The following CUL7 variants were observed in gnomAD, a reference collection of about 807,000 sequenced individuals.
CUL7 encodes the protein cullin-7.
In CUL7, 96 loss-of-function variants were observed where a neutral mutation model predicts 177.7. That is an observed-to-expected ratio of 0.54 (90% CI 0.46 to 0.64). The LOEUF is 0.64. Among genes scored for constraint, CUL7 ranks in the 30% least tolerant of loss-of-function variants. The pLI is 0.00. For synonymous variants in CUL7, 824 were observed against 890.2 expected (o/e 0.93, Z 1.32); for missense variants, 1,893 against 2,187.9 (o/e 0.87, Z 2.69).
In CUL7 at chr6:43,051,848, C is replaced by T; in HGVS notation, c.581-85G>A. 3 of 1,521,128 alleles carry T rather than the reference C, an allele frequency of 2.0e-6. No homozygotes were observed. Among genetic ancestry groups the T allele is most frequent in the Non-Finnish European group, 2.7e-6 (3 of 1,097,120 alleles). The allele number at this position is 1,521,128 out of a possible 1,614,324, so 94.2% of individuals were successfully genotyped here. A position where few individuals can be genotyped will look rare whatever the true frequency, so the allele number is the denominator to read the frequency against. ...GACCCTCTACTCTTTCAATCCAATC[C>T]TTTTGCCACCACACAATGAGAAAGA... On this transcript the variant is annotated intron_variant, in intron 2 of 25. Coordinates refer to ENST00000265348, the MANE Select transcript of CUL7 (RefSeq NM_014780.5). The surrounding 1 kb of genome is among the most constrained non-coding windows in gnomAD (Gnocchi z 5.0).
Position 43,053,742 on chromosome 6 carries a change from A to T in CUL7, c.-129T>A. ...CCCGCGAGGGGGTCGAGACGGAGAG[A>T]CGGGAGGGGGCGTGCCTCCGCGGAA... On this transcript the variant is annotated 5_prime_UTR_variant, in exon 1 of 26. Transcript: ENST00000265348. The surrounding 1 kb of genome is among the most constrained non-coding windows in gnomAD (Gnocchi z 4.1). 1 of 1,484,572 alleles carries T rather than the reference A, an allele frequency of 6.7e-7. No homozygotes were observed. The highest frequency in any genetic ancestry group is 8.9e-7 in the Non-Finnish European group (1 of 1,120,102). The allele number at this position is 1,484,572 out of a possible 1,614,324, so 92.0% of individuals were successfully genotyped here.
intron 23 of CUL7, 55 bp downstream of exon 23, chr6:43,038,785 AAG>A (rs1763168535): frequency 6.2e-7 from 1 of 1,613,846 alleles, no homozygotes. Flanking sequence ...AGGTTTTGGG[AAG>A]AGAGGCAAGG....
rs764377175 is a variant in CUL7 at position 43,052,083 on chromosome 6, A to G, written c.580+126T>C. ...GCCCACCTCCTTTTCTTCCAACTCTAAGAGAAGGGCAACAGAATCATTTAC... is the reference window on the plus strand; with the variant it reads ...GCCCACCTCCTTTTCTTCCAACTCTGAGAGAAGGGCAACAGAATCATTTAC... On this transcript the variant is annotated intron_variant, in intron 2 of 25. Coordinates refer to ENST00000265348, the MANE Select transcript of CUL7 (RefSeq NM_014780.5). The surrounding 1 kb of genome is among the most constrained non-coding windows in gnomAD (Gnocchi z 4.5). The G allele has an allele frequency of 2.0e-6, 3 of 1,519,612 alleles. No homozygotes were observed. Among genetic ancestry groups the G allele is most frequent in the Non-Finnish European group, 2.7e-6 (3 of 1,129,036 alleles). The allele number at this position is 1,519,612 out of a possible 1,614,324, so 94.1% of individuals were successfully genotyped here.
At chr6:43,046,116 T>A in intron 12 of CUL7, 25 bp from the exon 13 acceptor site, 1 of 1,613,024 alleles carries the variant, frequency 6.2e-7, no homozygotes, top group Non-Finnish European at 8.5e-7. Context: ...GAAAAACCAT[T>A]TGGAACTTGT....
intron 9 of CUL7, 193 bp downstream of exon 9, chr6:43,047,955 A>G: frequency 1.7e-6 from 1 of 598,726 alleles, no homozygotes; most frequent in South Asian, 2.0e-5. Context: ...ACCTTGTTAG[A>G]GCGTTTTGAT....
In CUL7 at chr6:43,040,042, G is replaced by A. The variant is rs1172166668; in HGVS notation, c.4294+114C>T. On this transcript the variant is annotated intron_variant, in intron 22 of 25. Coordinates refer to ENST00000265348, the MANE Select transcript of CUL7 (RefSeq NM_014780.5). This position sits in a 1 kb window ranked among gnomAD's most constrained non-coding sequence, Gnocchi z 4.2. ...GGCGTGAGCACTGTGCCCAGCCAAA[G>A]ACTATCTCTTTTTACATCAAGCCTC... 7.7e-7 allele frequency: 1 copy of A among 1,305,516 alleles called. No individual in the cohort carries two copies. Among genetic ancestry groups the A allele is most frequent in the African/African-American group, 1.5e-5 (1 of 68,936 alleles). The allele number at this position is 1,305,516 out of a possible 1,614,324, so 80.9% of individuals were successfully genotyped here. A position where few individuals can be genotyped will look rare whatever the true frequency, so the allele number is the denominator to read the frequency against.
rs745609347 is a variant in CUL7, at chr6:43,038,559, T to C, written c.4567+7A>G. On this transcript the variant is annotated splice_region_variant and intron_variant, in intron 24 of 25. Coordinates refer to ENST00000265348, the MANE Select transcript of CUL7 (RefSeq NM_014780.5). ...GAGCAGAGGCCCCTCTGGCCCTAAG[T>C]GCATACCTCCTGGTATATCCTTTTG... 6.2e-7 allele frequency: 1 copy of C among 1,614,038 alleles called. No homozygotes were observed. Among genetic ancestry groups the C allele is most frequent in the Non-Finnish European group, 8.5e-7 (1 of 1,179,988 alleles).
At chr6:43,041,327 G>A (rs1424908055) in intron 19 of CUL7, among the ~76,000 whole-genome samples, 1 of 152,186 alleles carries the variant, frequency 6.6e-6, no homozygotes, top group East Asian at 1.9e-4. Context: ...GAGAAAATAA[G>A]ACCAGGCGCA....
At position 43,043,099 on chromosome 6, in the gene CUL7, C is replaced by T; in HGVS notation, c.3437G>A (p.Cys1146Tyr). 2.5e-6 allele frequency: 4 copies of T among 1,614,170 alleles called. No homozygotes were observed. Among genetic ancestry groups the T allele is most frequent in the Non-Finnish European group, 3.4e-6 (4 of 1,180,030 alleles). Reference protein sequence around the residue: ...PSSIMRNLTRCWRAVVEKQVN... With the variant: ...PSSIMRNLTRYWRAVVEKQVN... ...CTGCTTCTCCACCACGGCCCGCCAA[C>T]AGCGCGTCAGGTTTCTCATGATGCT... Residue 1146 changes from cysteine to tyrosine, a missense_variant, in exon 18 of 26, where the codon TGT (cysteine) becomes TAT (tyrosine). Cys to Tyr is a radical substitution (Grantham distance 194). This residue lies in a region of CUL7 where 973 missense variants were observed against 1,140.9 expected (regional missense o/e 0.85). Coordinates refer to ENST00000265348, the MANE Select transcript of CUL7 (RefSeq NM_014780.5). The surrounding 1 kb of genome is among the most constrained non-coding windows in gnomAD (Gnocchi z 4.2).
chr6:43,037,671 T>C lies in CUL7; in HGVS notation c.*17A>G, dbSNP rs754010820. 3 of 1,548,454 alleles carry C rather than the reference T, an allele frequency of 1.9e-6. No homozygotes were observed. Among genetic ancestry groups the C allele is most frequent in the South Asian group, 1.2e-5 (1 of 84,014 alleles). On this transcript the variant is annotated 3_prime_UTR_variant, in exon 26 of 26. Coordinates refer to ENST00000265348, the MANE Select transcript of CUL7 (RefSeq NM_014780.5). ...TAAAAGCTCCAGCTCTACCTTCCCC[T>C]GACCCCAAGTCTAGGGCTACCGGAA...
chr6:43,043,083 CA>C lies in CUL7; in HGVS notation c.3452del (p.Val1151GlyfsTer5). The C allele has an allele frequency of 1.2e-6, 2 of 1,614,120 alleles. No homozygotes were observed. The highest frequency in any genetic ancestry group is 1.7e-6 in the Non-Finnish European group (2 of 1,180,022). On this transcript the variant is annotated frameshift_variant, in exon 18 of 26. Transcript: ENST00000265348. LOFTEE classifies it high-confidence loss of function. This position sits in a 1 kb window ranked among gnomAD's most constrained non-coding sequence, Gnocchi z 4.2. ...RNLTRCWRAV[V>X]EKQVNNFLTS... The stretch of plus-strand genomic sequence containing the variant: ...GCCTGCTCCTGCCCACCTGCTTCTC[CA>C]CCACGGCCCGCCAACAGCGCGTCAG...
chr6:43,051,302 A>G lies in CUL7; in HGVS notation c.899T>C (p.Met300Thr). 1 of 1,610,202 alleles carries G rather than the reference A, an allele frequency of 6.2e-7. No individual in the cohort carries two copies. ...GQLELEFSMA[M>T]GTLISELVQA... ...CACCAGCTCCGAGATCAGGGTGCCCATGGCCATACTGAACTCCAGCTCCAG... is the reference window on the plus strand; with the variant it reads ...CACCAGCTCCGAGATCAGGGTGCCCGTGGCCATACTGAACTCCAGCTCCAG... The change falls in exon 4 of 26, where the codon ATG (methionine) becomes ACG (threonine). Residue 300 changes from methionine to threonine, a missense_variant. Coordinates refer to ENST00000265348, the MANE Select transcript of CUL7 (RefSeq NM_014780.5). This position sits in a 1 kb window ranked among gnomAD's most constrained non-coding sequence, Gnocchi z 5.0.
At chr6:43,042,030 A>AAGAAAGAGAGAAG (rs1763469939) in intron 19 of CUL7, among the ~76,000 whole-genome samples, 3 of 145,228 alleles carry the variant, frequency 2.1e-5, no homozygotes, top group South Asian at 4.6e-4. Context: ...AAAAGGAAGA[A>AAGAAAGAGAGAAG]GAAAGAAAGA....
At chr6:43,038,206 T>C (rs1763113410) in intron 25 of CUL7, 61 bp downstream of exon 25, 1 of 1,584,598 alleles carries the variant, frequency 6.3e-7, no homozygotes, top group South Asian at 1.1e-5. Context: ...CACCTTGTCC[T>C]GTAGACTGCT....
In CUL7 at chr6:43,050,249, CCT is replaced by C. The variant is rs771862852; in HGVS notation, c.1372+9_1372+10del. 7 of 1,614,082 alleles carry C rather than the reference CCT, an allele frequency of 4.3e-6. No individual in the cohort carries two copies. In the African/African-American group the frequency reaches 5.3e-5, roughly 12 times the overall value. On this transcript the variant is annotated intron_variant, in intron 5 of 25. Transcript: ENST00000265348. This position sits in a 1 kb window ranked among gnomAD's most constrained non-coding sequence, Gnocchi z 4.1. Reference sequence around the variant, plus strand: ...GCTCAGAGCTGACCCTTGCTTCCTCCCTGAGCTCACCTCTACCCAGGACTCTA... The same window carrying C: ...GCTCAGAGCTGACCCTTGCTTCCTCCGAGCTCACCTCTACCCAGGACTCTA...
rs1173837135 is a variant in CUL7, at chr6:43,053,259, A to G, written c.-9+363T>C. ...CGAGACCCAAGTTAAGAGTCCCGAG[A>G]TCGCAGAGTTAAGAGACCTGAGAAC... On this transcript the variant is annotated intron_variant, in intron 1 of 25. Transcript: ENST00000265348. The surrounding 1 kb of genome is among the most constrained non-coding windows in gnomAD (Gnocchi z 4.1). Among the ~76,000 whole-genome samples, 4 of 152,126 alleles carry G rather than the reference A, an allele frequency of 2.6e-5. No individual in the cohort carries two copies. The highest frequency in any genetic ancestry group is 5.9e-5 in the Non-Finnish European group (4 of 68,036).
chr6:43,053,605 G>A lies in CUL7; in HGVS notation c.-9+17C>T, dbSNP rs1322123186. On this transcript the variant is annotated intron_variant, in intron 1 of 25. Coordinates refer to ENST00000265348, the MANE Select transcript of CUL7 (RefSeq NM_014780.5). This position sits in a 1 kb window ranked among gnomAD's most constrained non-coding sequence, Gnocchi z 4.1. ...CAGGGAAGGAGAAGCAAGGGGCCGC[G>A]GTGGGGCTCTGGCCACCTCAGAAGT... 3.0e-6 allele frequency: 4 copies of A among 1,341,518 alleles called. No individual in the cohort carries two copies. The highest frequency in any genetic ancestry group is 2.9e-6 in the Non-Finnish European group (3 of 1,047,186). 83.1% of individuals were successfully genotyped at this position (1,341,518 alleles called of 1,614,324 possible).
In CUL7 at chr6:43,050,090, T is replaced by G. The variant is rs758894808; in HGVS notation, c.1442A>C (p.Glu481Ala). The G allele has an allele frequency of 6.2e-7, 1 of 1,614,210 alleles. No homozygotes were observed. The highest frequency in any genetic ancestry group is 1.7e-5 in the Admixed American group (1 of 60,026). ...YAVPYVLPED[E>A]DTEECEHLTL... ...CAGGTGTTCACACTCCTCAGTGTCC[T>G]CATCCTCAGGCAGCACATAAGGCAC... The change falls in exon 6 of 26, where the codon GAG (glutamate) becomes GCG (alanine). Residue 481 changes from glutamate (E) to alanine (A), a missense_variant. This residue lies in a region of CUL7 where 653 missense variants were observed against 725.2 expected (regional missense o/e 0.90). Transcript: ENST00000265348. This position sits in a 1 kb window ranked among gnomAD's most constrained non-coding sequence, Gnocchi z 4.1.
chr6:43,048,144 G>A lies in CUL7; in HGVS notation c.2169+4C>T, dbSNP rs1186339025. The A allele has an allele frequency of 3.1e-6, 5 of 1,599,020 alleles. No individual in the cohort carries two copies. In the East Asian group the frequency reaches 6.7e-5, roughly 21 times the overall value. On this transcript the variant is annotated splice_donor_region_variant and intron_variant, in intron 9 of 25. Transcript: ENST00000265348. ...AGCCTCTCCCCAGAGCAGGGCAGGGGTACCTCTCGATCAGTGTTTGGGGAC... is the reference window on the plus strand; with the variant it reads ...AGCCTCTCCCCAGAGCAGGGCAGGGATACCTCTCGATCAGTGTTTGGGGAC...
Sources: allele counts gnomAD v4.1 joint callset (sites outside exome capture counted in the v4.1 genomes callset), GRCh38; gene constraint gnomAD v4.1.1; regional missense constraint gnomAD v4.1.1; non-coding constraint Gnocchi (gnomAD v3.1); transcripts MANE v1.5; gene names NCBI Gene and HGNC (gene_info 2026-07-23, HGNC 2026-07-21).